The following COL21A1 variants were observed in gnomAD, a reference collection of about 807,000 sequenced individuals.
COL21A1 encodes collagen alpha-1(XXI) chain.
A neutral mutation model predicts 137.9 loss-of-function variants in COL21A1; 149 were observed. The observed-to-expected ratio is 1.08, with a 90% CI of 0.95 to 1.24. COL21A1 has a LOEUF of 1.24. COL21A1 is among the 50% of genes most tolerant of loss of function. The pLI, the probability that COL21A1 is intolerant of heterozygous loss-of-function variation, is 0.00. For synonymous variants in COL21A1, 456 were observed against 391.5 expected (o/e 1.16, Z -1.95); for missense variants, 1,167 against 1,158.4 (o/e 1.01, Z -0.11).
chr6:56,112,157 G>T (rs936748178), intron 16 of COL21A1, among the ~76,000 whole-genome samples: 4 of 152,072 alleles, frequency 2.6e-5, no homozygotes, highest in Non-Finnish European at 5.9e-5. Flanking sequence ...ATTCATATTT[G>T]GCAAAAGTTC....
chr6:56,291,073 C>T (rs1474063431), intron 1 of COL21A1, among the ~76,000 whole-genome samples: 1 of 152,084 alleles, frequency 6.6e-6, no homozygotes, highest in Non-Finnish European at 1.5e-5. Flanking sequence ...AGACCTACTG[C>T]ATCACTCAGG....
intron 1 of COL21A1, among the ~76,000 whole-genome samples, chr6:56,238,430 TAAAAAAAA>T (rs548005509): frequency 1.1e-5 from 1 of 91,538 alleles, no homozygotes; most frequent in Non-Finnish European, 2.3e-5. Context: ...GCAGTCTTCT[TAAAAAAAA>T]AAAAAAAAAA....
intron 17 of COL21A1, among the ~76,000 whole-genome samples, chr6:56,097,793 A>G (rs1396402381): frequency 8.5e-6 from 1 of 117,488 alleles, no homozygotes; most frequent in Non-Finnish European, 1.7e-5. Flanking sequence ...AAAAATATAT[A>G]TATAAATCTA....
rs1261105535 is a variant in COL21A1, at chr6:56,098,594, A to AAT, written c.1812+2876_1812+2877dup. Among the ~76,000 whole-genome samples the AAT allele has an allele frequency of 1.3e-3, 5 of 3,704 alleles. 1 individual carries two copies. Among genetic ancestry groups the AAT allele is most frequent in the Admixed American group, 0.011 (3 of 282 alleles). The allele number at this position is 3,704 out of a possible 152,430, so 2.4% of individuals were successfully genotyped here. On this transcript the variant is annotated intron_variant, in intron 17 of 29. Coordinates refer to ENST00000244728, the MANE Select transcript of COL21A1 (RefSeq NM_030820.4). ...ATATATAAATATATATAAATATATA[A>AAT]ATATATATATAAATATATATAAATA...
intron 1 of COL21A1, among the ~76,000 whole-genome samples, chr6:56,352,005 A>G (rs947909591): frequency 6.6e-6 from 1 of 152,184 alleles, no homozygotes; most frequent in East Asian, 1.9e-4. Flanking sequence ...GCAGTTGTAC[A>G]CACCTGTAGT....
intron 1 of COL21A1, among the ~76,000 whole-genome samples, chr6:56,385,449 C>G (rs1487701761): frequency 6.6e-6 from 1 of 152,150 alleles, no homozygotes; most frequent in African/African-American, 2.4e-5. Flanking sequence ...TAGCTCATGG[C>G]CCCTTCCACC....
At chr6:56,233,032 T>C (rs1781677614) in intron 1 of COL21A1, among the ~76,000 whole-genome samples, 1 of 151,766 alleles carries the variant, frequency 6.6e-6, no homozygotes, top group Non-Finnish European at 1.5e-5. Context: ...CAGAGAAGGA[T>C]ATACTTTACA....
intron 12 of COL21A1, among the ~76,000 whole-genome samples, chr6:56,134,468 G>A (rs1265324175): frequency 6.6e-6 from 1 of 152,194 alleles, no homozygotes; most frequent in South Asian, 2.1e-4. Flanking sequence ...TGTCTCAAAT[G>A]AGACTTTGGA....
chr6:56,218,783 T>C (rs964282888), intron 1 of COL21A1, among the ~76,000 whole-genome samples: 2 of 152,046 alleles, frequency 1.3e-5, no homozygotes, highest in Admixed American at 1.3e-4. Flanking sequence ...GAACTGCTAA[T>C]GAATGTACAG....
At chr6:56,067,209 CAGAAA>C in intron 23 of COL21A1, 81 bp downstream of exon 23, 1 of 1,119,960 alleles carries the variant, frequency 8.9e-7, no homozygotes, top group Non-Finnish European at 1.3e-6. Context: ...AATGTTGAAA[CAGAAA>C]GGAATTTAAA....
intron 16 of COL21A1, among the ~76,000 whole-genome samples, chr6:56,118,877 T>C (rs908153498): frequency 6.6e-6 from 1 of 151,976 alleles, no homozygotes; most frequent in African/African-American, 2.4e-5. Context: ...AAATTAAATA[T>C]CTCTTCATGA....
intron 1 of COL21A1, among the ~76,000 whole-genome samples, chr6:56,244,876 G>T (rs1322713583): frequency 6.6e-6 from 1 of 152,106 alleles, no homozygotes; most frequent in Non-Finnish European, 1.5e-5. Context: ...GATCTACTTG[G>T]TCCTAAGAGG....
chr6:56,127,528 A>G (rs182125343), intron 12 of COL21A1, among the ~76,000 whole-genome samples: 446 of 152,306 alleles, frequency 2.9e-3, no homozygotes, highest in Admixed American at 6.1e-3. Flanking sequence ...GGAATATAAT[A>G]TCCAATGGCT....
chr6:56,304,570 G>T (rs1490703373), intron 1 of COL21A1, among the ~76,000 whole-genome samples: 5 of 152,190 alleles, frequency 3.3e-5, no homozygotes, highest in Non-Finnish European at 7.3e-5. Flanking sequence ...TGTGGGATCA[G>T]TGGTGATATC....
chr6:56,312,191 G>T (rs1157443429), intron 1 of COL21A1, among the ~76,000 whole-genome samples: 1 of 152,202 alleles, frequency 6.6e-6, no homozygotes, highest in East Asian at 1.9e-4. Flanking sequence ...TCTTAAGATT[G>T]TTTGATCTAG....
At chr6:56,293,533 C>T (rs9464373) in intron 1 of COL21A1, among the ~76,000 whole-genome samples, 46,405 of 151,662 alleles carry the variant, frequency 0.31, 7,606 homozygotes, top group Non-Finnish European at 0.36. Context: ...ACCTAGTGTC[C>T]AGTATTAAAA....
intron 1 of COL21A1, among the ~76,000 whole-genome samples, chr6:56,311,598 C>T (rs954062084): frequency 6.6e-6 from 1 of 152,072 alleles, no homozygotes; most frequent in Admixed American, 6.6e-5. Flanking sequence ...ACTTAAGGTG[C>T]TTATAGTTGT....
At chr6:56,338,755 G>A (rs998289079) in intron 1 of COL21A1, among the ~76,000 whole-genome samples, 1 of 152,084 alleles carries the variant, frequency 6.6e-6, no homozygotes, top group Non-Finnish European at 1.5e-5. Context: ...TGTGGGAGAA[G>A]ACACATTCAC....
At chr6:56,346,457 C>T (rs763029957) in intron 1 of COL21A1, among the ~76,000 whole-genome samples, 9 of 152,162 alleles carry the variant, frequency 5.9e-5, no homozygotes, top group Non-Finnish European at 1.2e-4. Flanking sequence ...TTCTGTTGTA[C>T]TAAAAGCTAC....
Sources: gnomAD v4.1 joint callset for allele counts (sites outside exome capture counted in the v4.1 genomes callset) on GRCh38, gnomAD v4.1.1 for gene constraint, MANE v1.5 for transcripts, NCBI Gene and HGNC (gene_info 2026-07-23, HGNC 2026-07-21) for gene names.